The following N4BP2L2 variants were observed in gnomAD, a reference collection of about 807,000 sequenced individuals.
N4BP2L2 encodes the protein NEDD4 binding protein 2 like 2.
A neutral mutation model predicts 56.2 loss-of-function variants in N4BP2L2; 50 were observed. The observed-to-expected ratio is 0.89, with a 90% CI of 0.71 to 1.13. The LOEUF (loss-of-function observed/expected upper bound fraction) is 1.13. Among genes scored for constraint, N4BP2L2 ranks in the 50% most tolerant of loss-of-function variants. The pLI is 0.00. For synonymous variants in N4BP2L2, 203 were observed against 223.6 expected, an observed-to-expected ratio of 0.91 and a Z score of 0.82; for missense variants, 689 against 693.8, an observed-to-expected ratio of 0.99 and a Z score of 0.08.
At chr13:32,441,626 G>C (rs2076347967) in intron 7 of N4BP2L2, among the ~76,000 whole-genome samples, 1 of 151,246 alleles carries the variant, frequency 6.6e-6, no homozygotes, top group Non-Finnish European at 1.5e-5. Flanking sequence ...GGAGGTTGCA[G>C]TGAGCCGAGA....
exon 6 of N4BP2L2, chr13:32,515,813 C>T (rs1161832944): frequency 6.6e-6 from 1 of 152,124 alleles, no homozygotes; most frequent in Non-Finnish European, 1.5e-5. Flanking sequence ...TCTCTGCTTA[C>T]TGCAAACTCT....
At chr13:32,482,021 G>GCCCCAA (rs2084861259) in intron 6 of N4BP2L2, among the ~76,000 whole-genome samples, 2 of 152,130 alleles carry the variant, frequency 1.3e-5, no homozygotes, top group African/African-American at 4.8e-5. Context: ...CAGGGTGTAT[G>GCCCCAA]GTACATGGGG....
intron 6 of N4BP2L2, among the ~76,000 whole-genome samples, chr13:32,450,846 C>T (rs1232309283): frequency 7.2e-6 from 1 of 138,652 alleles, no homozygotes; most frequent in African/African-American, 2.8e-5. Context: ...CCTTCCTTCC[C>T]TCCCTCCCTC....
At position 32,538,734 on chromosome 13, in the gene N4BP2L2, G is replaced by A. The variant is rs148052741; in HGVS notation, c.-117C>T. The A allele has an allele frequency of 1.1e-5, 11 of 985,452 alleles. No individual in the cohort carries two copies. The African/African-American group carries it at 1.6e-4, about 14-fold the overall frequency. 61.0% of individuals were successfully genotyped at this position (985,452 alleles called of 1,614,324 possible). A position where few individuals can be genotyped will look rare whatever the true frequency, so the allele number is the denominator to read the frequency against. On this transcript the variant is annotated 5_prime_UTR_variant, in exon 1 of 6. Coordinates refer to ENST00000267068, the Ensembl canonical transcript of N4BP2L2. Reference sequence around the variant, plus strand: ...GACAGCACTAAAGCCGAGGTCTGGAGGGACTAAAAGCCCACCTCTCAGAAT... The same window carrying A: ...GACAGCACTAAAGCCGAGGTCTGGAAGGACTAAAAGCCCACCTCTCAGAAT...
intron 6 of N4BP2L2, among the ~76,000 whole-genome samples, chr13:32,479,042 G>A (rs1345099591): frequency 6.6e-6 from 1 of 151,836 alleles, no homozygotes; most frequent in Non-Finnish European, 1.5e-5. Context: ...GGCTGAGGCA[G>A]GAGAATCACT....
At chr13:32,459,790 T>C (rs2079676618) in intron 6 of N4BP2L2, among the ~76,000 whole-genome samples, 1 of 152,120 alleles carries the variant, frequency 6.6e-6, no homozygotes, top group Admixed American at 6.5e-5. Flanking sequence ...GAGGGAATTG[T>C]CCTTACCTCT....
chr13:32,494,556 G>A (rs190060568), intron 6 of N4BP2L2, among the ~76,000 whole-genome samples: 1 of 152,022 alleles, frequency 6.6e-6, no homozygotes, highest in East Asian at 1.9e-4. Context: ...GAGGTCAGGA[G>A]ATCGAGACCA....
upstream of N4BP2L2, chr13:32,538,828 G>A (rs1594142733): frequency 1.0e-6 from 1 of 985,442 alleles, no homozygotes; most frequent in Non-Finnish European, 1.2e-6. Flanking sequence ...CCAAAACTAG[G>A]CGTTTGCGCC....
chr13:32,467,258 G>T (rs1433290296), intron 6 of N4BP2L2, among the ~76,000 whole-genome samples: 1 of 149,112 alleles, frequency 6.7e-6, no homozygotes, highest in Non-Finnish European at 1.5e-5. Flanking sequence ...ATGAGAGAGG[G>T]GCATTTTTTT....
chr13:32,497,042 C>T (rs2088844648), intron 6 of N4BP2L2, among the ~76,000 whole-genome samples: 1 of 152,092 alleles, frequency 6.6e-6, no homozygotes, highest in African/African-American at 2.4e-5. Flanking sequence ...AAAGTGAACT[C>T]CTGCTTCTCA....
In N4BP2L2 at chr13:32,532,410, T is replaced by C. The variant is rs1376932218; in HGVS notation, c.1259+3359A>G. ...GTTTTTACTCTTAGTCCTTTATCCATCTAGAAGTTATTTTTGTGAATGATT... is the reference window on the plus strand; with the variant it reads ...GTTTTTACTCTTAGTCCTTTATCCACCTAGAAGTTATTTTTGTGAATGATT... On this transcript the variant is annotated intron_variant, in intron 2 of 5. Transcript: ENST00000267068. Among the ~76,000 whole-genome samples the C allele has an allele frequency of 5.3e-5, 8 of 152,274 alleles. No homozygotes were observed. In the South Asian group the frequency reaches 1.2e-3, roughly 24 times the overall value.
chr13:32,533,646 T>C (rs764175031), intron 2 of N4BP2L2, among the ~76,000 whole-genome samples: 17 of 151,176 alleles, frequency 1.1e-4, no homozygotes, highest in Non-Finnish European at 2.1e-4. Context: ...ACCCAGGTTA[T>C]CTAGGCTGGT....
rs1317903538 is a variant in N4BP2L2 at position 32,522,164 on chromosome 13, C to T, written c.1473+18G>A. 1 of 1,463,426 alleles carries T rather than the reference C, an allele frequency of 6.8e-7. No homozygotes were observed. Among genetic ancestry groups the T allele is most frequent in the Admixed American group, 2.2e-5 (1 of 46,440 alleles). 90.7% of individuals were successfully genotyped at this position (1,463,426 alleles called of 1,614,324 possible). A position where few individuals can be genotyped will look rare whatever the true frequency, so the allele number is the denominator to read the frequency against. ...GACAAGAATAAAAAATAAAAACTTT[C>T]TCATGTTTCATATTTACCACTTCCA... On this transcript the variant is annotated intron_variant, in intron 4 of 5. Coordinates refer to ENST00000267068, the Ensembl canonical transcript of N4BP2L2.
At chr13:32,510,272 T>TA (rs796278504), downstream of N4BP2L2, 59 of 152,202 alleles carry the variant, frequency 3.9e-4, no homozygotes, top group African/African-American at 1.4e-3. Flanking sequence ...TAATTAGGGT[T>TA]AAAAAAATCC....
intron 2 of N4BP2L2, among the ~76,000 whole-genome samples, chr13:32,530,465 A>C (rs1344423510): frequency 6.6e-6 from 1 of 152,212 alleles, no homozygotes; most frequent in East Asian, 1.9e-4. Context: ...CAGGTACTAA[A>C]ATGGATTCTC....
exon 2 of N4BP2L2, chr13:32,536,113 G>C (rs570226409): frequency 1.9e-6 from 3 of 1,614,066 alleles, no homozygotes; most frequent in Non-Finnish European, 2.5e-6. Context: ...CTTGGGCTTG[G>C]AAAATATTTG....
At chr13:32,457,911 C>T (rs1305199805) in intron 6 of N4BP2L2, among the ~76,000 whole-genome samples, 1 of 152,098 alleles carries the variant, frequency 6.6e-6, no homozygotes, top group African/African-American at 2.4e-5. Flanking sequence ...AAAGTATATA[C>T]AAAGCAACCA....
chr13:32,513,092 A>G (rs1397367633), exon 6 of N4BP2L2: 1 of 152,156 alleles, frequency 6.6e-6, no homozygotes, highest in Non-Finnish European at 1.5e-5. Flanking sequence ...ATACATGTAT[A>G]TTCTATTACA....
At chr13:32,477,240 C>T (rs1470161338) in intron 6 of N4BP2L2, 1 of 351,744 alleles carries the variant, frequency 2.8e-6, no homozygotes, top group East Asian at 6.7e-5. Flanking sequence ...GCAAGGCTTA[C>T]AAGGGCTAAA....
Sources: gnomAD v4.1 joint callset for allele counts (sites outside exome capture counted in the v4.1 genomes callset) on GRCh38, gnomAD v4.1.1 for gene constraint, MANE v1.5 for transcripts, NCBI Gene and HGNC (gene_info 2026-07-23, HGNC 2026-07-21) for gene names.